The following HIPK2 variants were observed in gnomAD, a reference collection of about 807,000 sequenced individuals.
The protein encoded by HIPK2 is homeodomain interacting protein kinase 2.
HIPK2 carries 27 observed loss-of-function variants against 113.7 expected under a neutral mutation model. The ratio of observed to expected loss-of-function variants is 0.24; its 90% CI spans 0.17 to 0.33. The LOEUF (loss-of-function observed/expected upper bound fraction) is 0.33. Ranked by LOEUF, HIPK2 falls within the 10% of genes least tolerant of loss-of-function variation. The pLI is 1.00. For missense variants in HIPK2, 1,257 were observed against 1,588.0 expected (o/e 0.79, Z 3.54); for synonymous variants, 631 against 642.2 (o/e 0.98, Z 0.26).
At chr7:139,750,811 C>G (rs1796266287) in intron 1 of HIPK2, among the ~76,000 whole-genome samples, 1 of 152,184 alleles carries the variant, frequency 6.6e-6, no homozygotes, top group Non-Finnish European at 1.5e-5. Flanking sequence ...AGTCCACATG[C>G]AAAATTTAGT....
intron 2 of HIPK2, among the ~76,000 whole-genome samples, chr7:139,705,626 C>T (rs1263063474): frequency 3.3e-5 from 5 of 152,098 alleles, no homozygotes; most frequent in Admixed American, 2.6e-4. Context: ...ATCCGCCCGC[C>T]TCGGCCTCCC....
At chr7:139,689,572 G>A (rs1040377220) in intron 2 of HIPK2, among the ~76,000 whole-genome samples, 3 of 152,122 alleles carry the variant, frequency 2.0e-5, no homozygotes, top group African/African-American at 4.8e-5. Flanking sequence ...TCTGTTGATG[G>A]TGAAGAATAC....
chr7:139,746,452 T>C lies in HIPK2; in HGVS notation c.20-29437A>G, dbSNP rs560598412. 3.8e-4 allele frequency among the ~76,000 whole-genome samples: 58 copies of C among 152,318 alleles called. No homozygotes were observed. The South Asian group carries it at 0.012, about 32-fold the overall frequency. The stretch of plus-strand genomic sequence containing the variant: ...TTGCTTGGTTTAATCTTGCCTGCAA[T>C]GAGTTTAAGAGTGCTTGGAAAAGAC... On this transcript the variant is annotated intron_variant, in intron 1 of 14. Coordinates refer to ENST00000406875, the MANE Select transcript of HIPK2 (RefSeq NM_022740.5).
intron 1 of HIPK2, among the ~76,000 whole-genome samples, chr7:139,741,616 C>T (rs2117079960): frequency 6.6e-6 from 1 of 152,164 alleles, no homozygotes; most frequent in South Asian, 2.1e-4. Context: ...TTCCCTCAGC[C>T]CCCATTAATC....
Position 139,563,621 on chromosome 7 carries a change from T to A in HIPK2, c.*9306A>T, listed in dbSNP as rs1221345273. ...ATGACACAAAATTCATTTGGTTAAT[T>A]CATGTAAAGGAAAAAACAGCAACAC... On this transcript the variant is annotated 3_prime_UTR_variant, in exon 15 of 15. Transcript: ENST00000406875. 1 of 392,676 alleles carries A rather than the reference T, an allele frequency of 2.5e-6. No homozygotes were observed. Among genetic ancestry groups the A allele is most frequent in the Non-Finnish European group, 4.5e-6 (1 of 223,038 alleles). The allele number at this position is 392,676 out of a possible 1,614,324, so 24.3% of individuals were successfully genotyped here.
intron 1 of HIPK2, among the ~76,000 whole-genome samples, chr7:139,732,481 TCTC>T (rs1299809583): frequency 6.6e-6 from 1 of 152,078 alleles, no homozygotes; most frequent in African/African-American, 2.4e-5. Context: ...GTCTGATAGC[TCTC>T]CTATGTCTTG....
chr7:139,763,052 G>A (rs1428943187), intron 1 of HIPK2, among the ~76,000 whole-genome samples: 1 of 152,206 alleles, frequency 6.6e-6, no homozygotes, highest in Non-Finnish European at 1.5e-5. Flanking sequence ...AACATTCCAG[G>A]AAGGGAAGAC....
At chr7:139,576,196 G>A (rs1363685262) in intron 13 of HIPK2, among the ~76,000 whole-genome samples, 1 of 152,244 alleles carries the variant, frequency 6.6e-6, no homozygotes, top group Non-Finnish European at 1.5e-5. Context: ...ATCATCCGGG[G>A]AATGGCCCTG....
At chr7:139,595,754 G>C (rs1799186944) in intron 12 of HIPK2, among the ~76,000 whole-genome samples, 1 of 152,194 alleles carries the variant, frequency 6.6e-6, no homozygotes, top group Admixed American at 6.5e-5. Context: ...ATTTTGTAAT[G>C]ATTTCAAATG....
At chr7:139,705,073 G>T (rs1794849616) in intron 2 of HIPK2, among the ~76,000 whole-genome samples, 1 of 152,158 alleles carries the variant, frequency 6.6e-6, no homozygotes, top group Non-Finnish European at 1.5e-5. Flanking sequence ...TTGGGACCTA[G>T]TGAGTCTGAT....
intron 2 of HIPK2, among the ~76,000 whole-genome samples, chr7:139,647,104 A>G (rs1464799): frequency 0.1 from 15,352 of 148,704 alleles, 803 homozygotes; most frequent in Middle Eastern, 0.14. Context: ...TCTTTCACTC[A>G]TCCTTGCACT....
chr7:139,623,516 T>TA (rs1569456906), intron 6 of HIPK2, among the ~76,000 whole-genome samples: 2 of 81,812 alleles, frequency 2.4e-5, no homozygotes, highest in African/African-American at 1.3e-4. Flanking sequence ...AGACTCTACT[T>TA]CAAAAAAAAA....
At chr7:139,578,576 G>C (rs1389461951) in intron 13 of HIPK2, among the ~76,000 whole-genome samples, 1 of 152,262 alleles carries the variant, frequency 6.6e-6, no homozygotes, top group Non-Finnish European at 1.5e-5. Context: ...AGCACTTCAT[G>C]TGTTGTATCT....
intron 13 of HIPK2, among the ~76,000 whole-genome samples, chr7:139,578,049 G>A (rs1041528219): frequency 6.0e-5 from 9 of 150,812 alleles, no homozygotes; most frequent in East Asian, 2.0e-4. Flanking sequence ...TCGCTCTGTC[G>A]CCCAGGCTGG....
At position 139,596,850 on chromosome 7, in the gene HIPK2, C is replaced by T. The variant is rs753515895; in HGVS notation, c.2584G>A (p.Val862Met). The change falls in exon 12 of 15, where the codon GTG (valine) becomes ATG (methionine). Residue 862 changes from valine (V) to methionine (M), a missense_variant. Physicochemically the swap from Val to Met is conservative, Grantham distance 21. This residue lies in a region of HIPK2 where 862 missense variants were observed against 1,004.3 expected (regional missense o/e 0.86). Transcript: ENST00000406875. ...CGTTCCCGGGTGGTGCTGGAGGCCA[C>T]GTCGCCCCACCCACAGGTGACCGAG... ...STSVTCGWGD[V>M]ASSTTRERQR... 2.9e-5 allele frequency: 46 copies of T among 1,613,786 alleles called. No homozygotes were observed. The highest frequency in any genetic ancestry group is 5.5e-5 in the South Asian group (5 of 91,090).
intron 2 of HIPK2, among the ~76,000 whole-genome samples, chr7:139,632,534 T>G (rs1301457355): frequency 6.6e-6 from 1 of 152,142 alleles, no homozygotes; most frequent in Non-Finnish European, 1.5e-5. Context: ...GAATACAGAG[T>G]CTGGTATCAA....
chr7:139,612,864 G>A (rs1799886579), intron 9 of HIPK2, among the ~76,000 whole-genome samples: 1 of 152,122 alleles, frequency 6.6e-6, no homozygotes, highest in Non-Finnish European at 1.5e-5. Flanking sequence ...AAAGAAATTT[G>A]AGGCAAAGAG....
At chr7:139,594,708 G>A (rs1310932575) in intron 12 of HIPK2, among the ~76,000 whole-genome samples, 1 of 152,092 alleles carries the variant, frequency 6.6e-6, no homozygotes, top group Non-Finnish European at 1.5e-5. Context: ...CCTAGCCTCA[G>A]TCTGCAGCTT....
Position 139,565,726 on chromosome 7 carries a change from T to C in HIPK2, c.*7201A>G, listed in dbSNP as rs1323148034. On this transcript the variant is annotated 3_prime_UTR_variant, in exon 15 of 15. Coordinates refer to ENST00000406875, the MANE Select transcript of HIPK2 (RefSeq NM_022740.5). ...CTTCTTTTTTTTTTTCTTTTTTTTT[T>C]CTTTTTTTTAACAGAAAGAAAAAAG... The C allele has an allele frequency of 6.6e-6, 1 of 151,498 alleles. No individual in the cohort carries two copies. The highest frequency in any genetic ancestry group is 1.5e-5 in the Non-Finnish European group (1 of 67,874). 9.4% of individuals were successfully genotyped at this position (151,498 alleles called of 1,614,324 possible).
Sources: gnomAD v4.1 joint callset for allele counts (sites outside exome capture counted in the v4.1 genomes callset) on GRCh38, gnomAD v4.1.1 for gene constraint, gnomAD v4.1.1 regional missense constraint, MANE v1.5 for transcripts, NCBI Gene and HGNC (gene_info 2026-07-23, HGNC 2026-07-21) for gene names.